Variants in CXCL12 observed in about 807,000 individuals in gnomAD.
The protein encoded by CXCL12 is C-X-C motif chemokine ligand 12.
A neutral mutation model predicts 10.7 loss-of-function variants in CXCL12; 4 were observed. That is an observed-to-expected ratio of 0.37 (90% CI 0.18 to 0.86). The LOEUF (loss-of-function observed/expected upper bound fraction) is 0.86. CXCL12 is among the 40% of genes least tolerant of loss of function. CXCL12 has a pLI of 0.43. For synonymous variants in CXCL12, 54 were observed against 45.4 expected (o/e 1.19, Z -0.77); for missense variants, 122 against 110.4 (o/e 1.10, Z -0.47).
chr10:44,379,446 T>C (rs1839561424), intron 2 of CXCL12, among the ~76,000 whole-genome samples: 1 of 152,196 alleles, frequency 6.6e-6, no homozygotes, highest in Admixed American at 6.5e-5. Flanking sequence ...TCTGAATCTC[T>C]TGCCAGAAAG....
chr10:44,373,383 TC>T (rs1839368144), downstream of CXCL12: 4 of 1,565,102 alleles, frequency 2.6e-6, no homozygotes, highest in South Asian at 2.3e-5. Flanking sequence ...TAAGGCAGGT[TC>T]CCCCCACACC....
At chr10:44,371,640 A>G (rs1340936353), downstream of CXCL12, 1 of 162,676 alleles carries the variant, frequency 6.1e-6, no homozygotes, top group African/African-American at 2.4e-5. Flanking sequence ...TACTTAACAC[A>G]TGTTACTAAT....
rs905509289 is a variant in CXCL12 at position 44,378,406 on chromosome 10, C to T, written c.*227G>A. The T allele has an allele frequency of 6.4e-6, 10 of 1,551,110 alleles. No homozygotes were observed. Among genetic ancestry groups the T allele is most frequent in the East Asian group, 2.4e-5 (1 of 41,400 alleles). The stretch of plus-strand genomic sequence containing the variant: ...ATAAAAGTTCCAACGTGCACAGGTA[C>T]AGGGCATGGATGAATATAAGCTGCA... On this transcript the variant is annotated 3_prime_UTR_variant, in exon 3 of 3. Transcript: ENST00000343575.
intron 1 of CXCL12, among the ~76,000 whole-genome samples, chr10:44,382,622 A>C (rs911727702): frequency 6.6e-6 from 1 of 151,974 alleles, no homozygotes; most frequent in African/African-American, 2.4e-5. Context: ...CCCCCCAACC[A>C]AGCAGTGGTG....
At position 44,384,945 on chromosome 10, in the gene CXCL12, C is replaced by A. The variant is rs868071509; in HGVS notation, c.61G>T (p.Gly21Trp). 7.1e-7 allele frequency: 1 copy of A among 1,398,778 alleles called. No individual in the cohort carries two copies. The highest frequency in any genetic ancestry group is 9.4e-7 in the Non-Finnish European group (1 of 1,061,916). The allele number at this position is 1,398,778 out of a possible 1,614,324, so 86.6% of individuals were successfully genotyped here. A position where few individuals can be genotyped will look rare whatever the true frequency, so the allele number is the denominator to read the frequency against. ...LVLTALCLSD[G>W]KPVSLSYRCP... ...GGGCCTCCCCGCCGAGCGCACTTAC[C>A]GTCGCTGAGGCAGAGCGCGGTCAGC... Residue 21 changes from glycine (G) to tryptophan (W), a missense_variant and splice_region_variant, in exon 1 of 3, where the codon GGG becomes TGG. Physicochemically the swap from Gly to Trp is radical, Grantham distance 184. Coordinates refer to ENST00000343575, the MANE Select transcript of CXCL12 (RefSeq NM_199168.4).
chr10:44,372,586 G>T, downstream of CXCL12: 1 of 1,184,726 alleles, frequency 8.4e-7, no homozygotes, highest in Non-Finnish European at 1.1e-6. Context: ...TTCATTTCCT[G>T]CTTGGTGCAC....
chr10:44,378,821 C>G, intron 2 of CXCL12, 98 bp from the exon 3 acceptor site: 1 of 1,233,988 alleles, frequency 8.1e-7, no homozygotes, highest in Non-Finnish European at 1.2e-6. Flanking sequence ...AGGGCCCTCG[C>G]TGGCACCCCG....
In CXCL12 at chr10:44,377,612, G is replaced by C. The variant is rs1450506384; in HGVS notation, c.*1021C>G. ...TTCGCTTCTGATTTCGGAAACCTCAGAGTTTGTTAGTGCCTCCATGGCATA... is the reference window on the plus strand; with the variant it reads ...TTCGCTTCTGATTTCGGAAACCTCACAGTTTGTTAGTGCCTCCATGGCATA... On this transcript the variant is annotated 3_prime_UTR_variant, in exon 3 of 3. Transcript: ENST00000343575. The C allele has an allele frequency of 2.0e-6, 3 of 1,512,140 alleles. No individual in the cohort carries two copies. The highest frequency in any genetic ancestry group is 1.4e-5 in the African/African-American group (1 of 71,984). 93.7% of individuals were successfully genotyped at this position (1,512,140 alleles called of 1,614,324 possible).
downstream of CXCL12, chr10:44,371,614 G>T (rs1240404665): frequency 5.9e-6 from 1 of 170,054 alleles, no homozygotes; most frequent in Non-Finnish European, 1.3e-5. Flanking sequence ...GCTCCAATTT[G>T]AAATACTTAT....
downstream of CXCL12, chr10:44,372,883 C>G: frequency 6.5e-7 from 1 of 1,534,928 alleles, no homozygotes; most frequent in Non-Finnish European, 8.7e-7. Flanking sequence ...AGAGAGAAGC[C>G]TTCACTAGGC....
At chr10:44,376,047 G>T, downstream of CXCL12, 1 of 1,607,202 alleles carries the variant, frequency 6.2e-7, no homozygotes, top group African/African-American at 1.3e-5. Context: ...GATAAAATTA[G>T]TAGAACCATT....
intron 1 of CXCL12, among the ~76,000 whole-genome samples, chr10:44,382,178 G>A (rs1393508714): frequency 6.6e-6 from 1 of 152,206 alleles, no homozygotes; most frequent in African/African-American, 2.4e-5. Context: ...GGGTGCTGGT[G>A]ACTCATGGCA....
At chr10:44,376,011 C>T (rs775309396), downstream of CXCL12, 12 of 1,613,798 alleles carry the variant, frequency 7.4e-6, no homozygotes, top group East Asian at 2.7e-4. Context: ...CTTTTTTCCC[C>T]ACTTTTTCTT....
chr10:44,382,330 AC>A (rs1839656414), intron 1 of CXCL12, among the ~76,000 whole-genome samples: 1 of 152,122 alleles, frequency 6.6e-6, no homozygotes, highest in Admixed American at 6.5e-5. Context: ...TGGGAAAGCC[AC>A]CCCCAGGGCC....
rs761209831 is a variant in CXCL12, at chr10:44,377,817, G to A, written c.*816C>T. 1.1e-5 allele frequency: 17 copies of A among 1,597,190 alleles called. No homozygotes were observed. The highest frequency in any genetic ancestry group is 6.7e-5 in the African/African-American group (5 of 75,038). On this transcript the variant is annotated 3_prime_UTR_variant, in exon 3 of 3. Transcript: ENST00000343575. ...CAAAGACGGATCTCACAGAGGGCCC[G>A]AGCTGTGGGGCAGGCCCTGGGAGGA...
In CXCL12 at chr10:44,377,640, T is replaced by C; in HGVS notation, c.*993A>G. The C allele has an allele frequency of 6.5e-7, 1 of 1,543,484 alleles. No homozygotes were observed. Among genetic ancestry groups the C allele is most frequent in the Non-Finnish European group, 8.7e-7 (1 of 1,152,104 alleles). ...TTTGTTAGTGCCTCCATGGCATACATAGGCTTCAGAGGCAATCACAAAACC... is the reference window on the plus strand; with the variant it reads ...TTTGTTAGTGCCTCCATGGCATACACAGGCTTCAGAGGCAATCACAAAACC... On this transcript the variant is annotated 3_prime_UTR_variant, in exon 3 of 3. Coordinates refer to ENST00000343575, the MANE Select transcript of CXCL12 (RefSeq NM_199168.4).
intron 1 of CXCL12, among the ~76,000 whole-genome samples, chr10:44,383,613 G>A (rs1273374268): frequency 7.3e-6 from 1 of 137,648 alleles, no homozygotes; most frequent in Admixed American, 7.0e-5. Context: ...GACTTGCGGG[G>A]GGGGGGGGGG....
chr10:44,384,706 C>T (rs112994255), intron 1 of CXCL12, among the ~76,000 whole-genome samples: 38 of 152,348 alleles, frequency 2.5e-4, no homozygotes, highest in African/African-American at 8.7e-4. Flanking sequence ...TCCCGGCTGA[C>T]CTCGCTCTGC....
intron 1 of CXCL12, among the ~76,000 whole-genome samples, chr10:44,383,689 C>T (rs575089061): frequency 6.9e-6 from 1 of 144,602 alleles, no homozygotes; most frequent in South Asian, 2.2e-4. Context: ...TGCCTTCAGT[C>T]TGTGTCCTTA....
Sources: gnomAD v4.1 joint callset for allele counts (sites outside exome capture counted in the v4.1 genomes callset) on GRCh38, gnomAD v4.1.1 for gene constraint, MANE v1.5 for transcripts, NCBI Gene and HGNC (gene_info 2026-07-23, HGNC 2026-07-21) for gene names.